KCNMA1: variants seen among roughly 807,000 people sequenced by gnomAD.
KCNMA1 encodes Calcium-activated potassium channel subunit alpha-1.
Under a neutral mutation model 140.0 loss-of-function variants are expected in KCNMA1, and 29 were observed. The ratio of observed to expected loss-of-function variants is 0.21; its 90% confidence interval spans 0.15 to 0.28. The LOEUF (loss-of-function observed/expected upper bound fraction) is 0.28. Ranked by LOEUF, KCNMA1 falls within the 10% of genes least tolerant of loss-of-function variation. The probability of loss-of-function intolerance (pLI) is 1.00; values close to 1 mark genes in which losing one functional copy is unlikely to be tolerated. For missense variants in KCNMA1, 880 were observed against 1,602.2 expected, an observed-to-expected ratio of 0.55 and a Z score of 7.70; for synonymous variants, 612 against 611.9, an observed-to-expected ratio of 1.00 and a Z score of 0.00.
intron 5 of KCNMA1, among the ~76,000 whole-genome samples, chr10:77,146,650 G>A (rs574404274): frequency 1.5e-4 from 21 of 144,770 alleles, no homozygotes; most frequent in Admixed American, 1.1e-3. Context: ...TGCAGTGAGC[G>A]GAGATGGTGC....
At chr10:77,385,828 G>A (rs953342780) in intron 2 of KCNMA1, among the ~76,000 whole-genome samples, 4 of 152,210 alleles carry the variant, frequency 2.6e-5, no homozygotes, top group Non-Finnish European at 5.9e-5. Flanking sequence ...GGAAACCTAA[G>A]CAAAGCTGGC....
intron 14 of KCNMA1, among the ~76,000 whole-genome samples, chr10:77,041,729 T>A (rs2094708669): frequency 6.6e-6 from 1 of 152,186 alleles, no homozygotes; most frequent in Non-Finnish European, 1.5e-5. Flanking sequence ...GGCTGCAGCC[T>A]CTCAGGCTTC....
intron 15 of KCNMA1, chr10:77,039,308 C>A: frequency 1.6e-6 from 1 of 609,486 alleles, no homozygotes; most frequent in Non-Finnish European, 2.9e-6. Context: ...AAGTCCAAGA[C>A]TCTCAGGCCT....
At chr10:76,881,262 T>A (rs1055427398), downstream of KCNMA1, among the ~76,000 whole-genome samples, 5 of 152,320 alleles carry the variant, frequency 3.3e-5, no homozygotes, top group African/African-American at 1.2e-4. Flanking sequence ...GTTGCATGGC[T>A]CTGAACAAGT....
intron 2 of KCNMA1, among the ~76,000 whole-genome samples, chr10:77,300,549 A>C (rs1211850616): frequency 1.3e-5 from 2 of 152,234 alleles, no homozygotes; most frequent in Non-Finnish European, 2.9e-5. Flanking sequence ...TAATCAGTCC[A>C]TATGTTAATA....
chr10:77,471,769 A>T (rs970865406), intron 1 of KCNMA1, among the ~76,000 whole-genome samples: 11 of 151,798 alleles, frequency 7.2e-5, no homozygotes, highest in Admixed American at 2.6e-4. Context: ...ATCCACGTAC[A>T]TACCACACAT....
intron 1 of KCNMA1, among the ~76,000 whole-genome samples, chr10:77,408,290 C>T (rs1382144580): frequency 6.6e-6 from 1 of 152,218 alleles, no homozygotes; most frequent in East Asian, 1.9e-4. Flanking sequence ...CCAAACCTTC[C>T]ACCTCCCACT....
chr10:77,059,685 A>G (rs935222136), intron 14 of KCNMA1, among the ~76,000 whole-genome samples: 1 of 152,172 alleles, frequency 6.6e-6, no homozygotes. Flanking sequence ...TCTCACCAAA[A>G]TAGAAATGGG....
At chr10:77,033,308 G>A (rs922336233) in intron 15 of KCNMA1, among the ~76,000 whole-genome samples, 2 of 152,120 alleles carry the variant, frequency 1.3e-5, no homozygotes, top group African/African-American at 4.8e-5. Flanking sequence ...ACCAAGAAAA[G>A]AGAAGTGATT....
At chr10:77,606,276 G>A (rs1348809418) in intron 1 of KCNMA1, among the ~76,000 whole-genome samples, 1 of 152,188 alleles carries the variant, frequency 6.6e-6, no homozygotes, top group Non-Finnish European at 1.5e-5. Context: ...AATCATTGCT[G>A]TACAAGCAGC....
chr10:77,636,474 C>T (rs1202591940), intron 1 of KCNMA1: 2 of 1,536,200 alleles, frequency 1.3e-6, no homozygotes, highest in East Asian at 4.9e-5. Context: ...CGCTCCAGCT[C>T]CGCGCTGCTG....
intron 1 of KCNMA1, among the ~76,000 whole-genome samples, chr10:77,429,189 C>T (rs562052240): frequency 1.3e-5 from 2 of 152,212 alleles, no homozygotes; most frequent in Admixed American, 6.5e-5. Flanking sequence ...ACTGGTATGC[C>T]AAGTTCGGAA....
intron 3 of KCNMA1, chr10:77,249,408 G>A (rs1371620295): frequency 6.6e-6 from 1 of 151,756 alleles, no homozygotes; most frequent in Non-Finnish European, 1.5e-5. Flanking sequence ...ATAGTAGACT[G>A]TAAAAAAAGA....
downstream of KCNMA1, chr10:76,872,507 A>G (rs2031541956): frequency 6.6e-6 from 1 of 152,148 alleles, no homozygotes. Flanking sequence ...CAAGTTTCAA[A>G]CTTTATCTAG....
chr10:77,323,925 G>A (rs1475240335), intron 2 of KCNMA1, among the ~76,000 whole-genome samples: 1 of 152,196 alleles, frequency 6.6e-6, no homozygotes, highest in Non-Finnish European at 1.5e-5. Flanking sequence ...ATCCTGCCTG[G>A]AGGCAATTTC....
chr10:77,155,241 C>T (rs1448741355), intron 5 of KCNMA1, among the ~76,000 whole-genome samples: 1 of 152,226 alleles, frequency 6.6e-6, no homozygotes, highest in Non-Finnish European at 1.5e-5. Context: ...AAGGAGATGA[C>T]TGTGAGATTC....
At chr10:77,146,149 T>C (rs2098284542) in intron 5 of KCNMA1, among the ~76,000 whole-genome samples, 1 of 152,212 alleles carries the variant, frequency 6.6e-6, no homozygotes, top group African/African-American at 2.4e-5. Context: ...TACATTTGTA[T>C]TTAGCTAAGA....
At chr10:77,517,680 T>G (rs1452072910) in intron 1 of KCNMA1, among the ~76,000 whole-genome samples, 2 of 152,124 alleles carry the variant, frequency 1.3e-5, no homozygotes, top group Non-Finnish European at 2.9e-5. Flanking sequence ...CCTGCCCATC[T>G]TCCTGGTCAC....
intron 23 of KCNMA1, among the ~76,000 whole-genome samples, chr10:76,916,986 G>C (rs1188814222): frequency 6.6e-6 from 1 of 152,178 alleles, no homozygotes; most frequent in Non-Finnish European, 1.5e-5. Flanking sequence ...ACTATGAAAA[G>C]GGTAAGTCAT....
Sources: gnomAD v4.1 joint callset for allele counts (sites outside exome capture counted in the v4.1 genomes callset) on GRCh38, gnomAD v4.1.1 for gene constraint, MANE v1.5 for transcripts, NCBI Gene and HGNC (gene_info 2026-07-23, HGNC 2026-07-21) for gene names.